The following OTOGL variants were observed in gnomAD, a reference collection of about 807,000 sequenced individuals.
The protein encoded by OTOGL is otogelin-like protein.
Under a neutral mutation model 318.5 loss-of-function variants are expected in OTOGL, and 285 were observed. The ratio of observed to expected loss-of-function variants is 0.89; its 90% CI spans 0.81 to 0.99. The LOEUF (loss-of-function observed/expected upper bound fraction) is 0.99. Among genes scored for constraint, OTOGL ranks in the 50% least tolerant of loss-of-function variants. The pLI is 0.00. For synonymous variants in OTOGL, 987 were observed against 936.5 expected, an observed-to-expected ratio of 1.05 and a Z score of -0.99; for missense variants, 2,899 against 2,845.6, an observed-to-expected ratio of 1.02 and a Z score of -0.43.
At chr12:80,129,197 T>C (rs1289033395) in intron 1 of OTOGL, among the ~76,000 whole-genome samples, 1 of 152,194 alleles carries the variant, frequency 6.6e-6, no homozygotes, top group Non-Finnish European at 1.5e-5. Context: ...ACCTGCACTC[T>C]GGATTTTATA....
At chr12:80,182,944 C>A (rs551858851) in intron 1 of OTOGL, among the ~76,000 whole-genome samples, 2 of 152,138 alleles carry the variant, frequency 1.3e-5, no homozygotes, top group South Asian at 4.1e-4. Flanking sequence ...CTGCTGATAG[C>A]CCATGTGGAA....
At chr12:80,158,406 A>G (rs1873269716) in intron 1 of OTOGL, among the ~76,000 whole-genome samples, 1 of 152,054 alleles carries the variant, frequency 6.6e-6, no homozygotes, top group African/African-American at 2.4e-5. Context: ...CATTGCACCC[A>G]AGGGTTTAGA....
intron 30 of OTOGL, 91 bp downstream of exon 30, chr12:80,310,818 C>T: frequency 9.8e-7 from 1 of 1,023,136 alleles, no homozygotes; most frequent in Non-Finnish European, 1.4e-6. Context: ...CTGGGTGATC[C>T]ACTGGCTTTT....
chr12:80,107,596 T>C (rs376227098), intron 1 of OTOGL, among the ~76,000 whole-genome samples: 1 of 152,276 alleles, frequency 6.6e-6, no homozygotes, highest in African/African-American at 2.4e-5. Flanking sequence ...AGCCCCTTAT[T>C]GGGTATACAC....
intron 1 of OTOGL, among the ~76,000 whole-genome samples, chr12:80,107,244 C>T (rs1360537161): frequency 6.6e-6 from 1 of 152,060 alleles, no homozygotes; most frequent in African/African-American, 2.4e-5. Context: ...CAAAAAGCAA[C>T]CCCATTAAAA....
At chr12:80,216,151 A>T (rs996795739) in intron 4 of OTOGL, among the ~76,000 whole-genome samples, 5 of 151,948 alleles carry the variant, frequency 3.3e-5, no homozygotes, top group South Asian at 2.1e-4. Flanking sequence ...CCCATCTCTT[A>T]AAAAAAATGA....
chr12:80,155,978 C>T (rs112063814), intron 1 of OTOGL, among the ~76,000 whole-genome samples: 1 of 152,184 alleles, frequency 6.6e-6, no homozygotes, highest in Non-Finnish European at 1.5e-5. Flanking sequence ...GAATAGTACT[C>T]CATTATGTAT....
In OTOGL at chr12:80,380,351, T is replaced by C. The variant is rs1474296350; in HGVS notation, c.*2303T>C. 1 of 151,674 alleles carries C rather than the reference T, an allele frequency of 6.6e-6. No individual in the cohort carries two copies. Among genetic ancestry groups the C allele is most frequent in the Middle Eastern group, 3.4e-3 (1 of 294 alleles). 9.4% of individuals were successfully genotyped at this position (151,674 alleles called of 1,614,324 possible). A position where few individuals can be genotyped will look rare whatever the true frequency, so the allele number is the denominator to read the frequency against. On this transcript the variant is annotated 3_prime_UTR_variant, in exon 59 of 59. Transcript: ENST00000547103. ...AAAAAAGATAAAAGCAAAGAAACAA[T>C]ATTTGTGACATATCAGTGACACAGT...
intron 1 of OTOGL, among the ~76,000 whole-genome samples, chr12:80,155,291 A>G (rs764826065): frequency 7.9e-5 from 12 of 152,174 alleles, no homozygotes; most frequent in Admixed American, 2.0e-4. Flanking sequence ...AATGAAGTAC[A>G]GCTTATCAAT....
At chr12:80,208,782 T>C (rs1455385785) in intron 1 of OTOGL, among the ~76,000 whole-genome samples, 1 of 152,202 alleles carries the variant, frequency 6.6e-6, no homozygotes, top group Non-Finnish European at 1.5e-5. Flanking sequence ...ATTATCTTTT[T>C]TTAAAAATTG....
At chr12:80,109,474 C>G (rs1303010727) in intron 1 of OTOGL, among the ~76,000 whole-genome samples, 2 of 152,110 alleles carry the variant, frequency 1.3e-5, no homozygotes, top group Admixed American at 1.3e-4. Flanking sequence ...TATGTTGTAT[C>G]TATGCATTGC....
intron 1 of OTOGL, among the ~76,000 whole-genome samples, chr12:80,166,725 A>G (rs1565885616): frequency 6.6e-6 from 1 of 152,174 alleles, no homozygotes; most frequent in Non-Finnish European, 1.5e-5. Context: ...ACTGTAACCT[A>G]TTATTTGTTC....
At chr12:80,196,860 A>G (rs1297230369) in intron 1 of OTOGL, among the ~76,000 whole-genome samples, 4 of 152,116 alleles carry the variant, frequency 2.6e-5, no homozygotes, top group Non-Finnish European at 4.4e-5. Context: ...TTCCAAATTT[A>G]ACCTGAGACT....
At chr12:80,327,668 G>T (rs892021631) in intron 35 of OTOGL, among the ~76,000 whole-genome samples, 1 of 151,426 alleles carries the variant, frequency 6.6e-6, no homozygotes, top group Non-Finnish European at 1.5e-5. Context: ...GAGTATAAGA[G>T]TGGAAAGCGG....
In OTOGL at chr12:80,380,609, A is replaced by T. The variant is rs1891398460; in HGVS notation, c.*2561A>T. The T allele has an allele frequency of 6.6e-6, 1 of 152,008 alleles. No homozygotes were observed. The highest frequency in any genetic ancestry group is 6.6e-5 in the Admixed American group (1 of 15,256). The allele number at this position is 152,008 out of a possible 1,614,324, so 9.4% of individuals were successfully genotyped here. A position where few individuals can be genotyped will look rare whatever the true frequency, so the allele number is the denominator to read the frequency against. On this transcript the variant is annotated 3_prime_UTR_variant, in exon 59 of 59. Coordinates refer to ENST00000547103, the MANE Select transcript of OTOGL (RefSeq NM_001378609.3). ...ACCTACCAGACTGGTAAAAAACCAG[A>T]AGTTTAATGATACTTTTATTTTTTA...
At chr12:80,134,498 C>T (rs1871426670) in intron 1 of OTOGL, among the ~76,000 whole-genome samples, 1 of 152,174 alleles carries the variant, frequency 6.6e-6, no homozygotes, top group Admixed American at 6.5e-5. Context: ...GAAGGAATGA[C>T]ATGTGATTTT....
At chr12:80,366,840 C>A (rs1890572321) in intron 53 of OTOGL, among the ~76,000 whole-genome samples, 1 of 151,516 alleles carries the variant, frequency 6.6e-6, no homozygotes, top group Admixed American at 6.6e-5. Context: ...AATAACAGAA[C>A]AGAAATATAA....
chr12:80,302,751 A>G lies in OTOGL; in HGVS notation c.3181A>G (p.Thr1061Ala), dbSNP rs1885849258. ...DITILWDRKTTIHIKVGPQWK... is the reference protein window; with the variant it reads ...DITILWDRKTAIHIKVGPQWK... ...CACTATTCTTTGGGATAGGAAGACAACTATTCATATCAAAGTTGGGCCACA... is the reference window on the plus strand; with the variant it reads ...CACTATTCTTTGGGATAGGAAGACAGCTATTCATATCAAAGTTGGGCCACA... The change falls in exon 28 of 59, where the codon ACT becomes GCT. Residue 1061 changes from threonine (T) to alanine (A), a missense_variant. By Grantham distance (58) the Thr-to-Ala change is moderately conservative. Around this residue, in one of 3 missense-constraint regions of OTOGL, gnomAD observed 2,607 missense variants for 2,524.9 expected, o/e 1.03. Transcript: ENST00000547103. The G allele has an allele frequency of 7.8e-6, 12 of 1,532,180 alleles. No individual in the cohort carries two copies. Among genetic ancestry groups the G allele is most frequent in the Non-Finnish European group, 1.0e-5 (12 of 1,144,240 alleles). 94.9% of individuals were successfully genotyped at this position (1,532,180 alleles called of 1,614,324 possible).
chr12:80,262,343 T>A (rs1882614596), intron 19 of OTOGL, among the ~76,000 whole-genome samples: 1 of 152,120 alleles, frequency 6.6e-6, no homozygotes. Flanking sequence ...TAAATTTTCT[T>A]ATTTTAGATG....
Sources: gnomAD v4.1 joint callset for allele counts (sites outside exome capture counted in the v4.1 genomes callset) on GRCh38, gnomAD v4.1.1 for gene constraint, gnomAD v4.1.1 regional missense constraint, MANE v1.5 for transcripts, NCBI Gene and HGNC (gene_info 2026-07-23, HGNC 2026-07-21) for gene names.